BNC2: variants seen among roughly 807,000 people sequenced by gnomAD.
BNC2 encodes basonuclin zinc finger protein 2, also known as zinc finger protein basonuclin-2.
In BNC2, 20 loss-of-function variants were observed where a neutral mutation model predicts 76.3. The ratio of observed to expected loss-of-function variants is 0.26; its 90% CI spans 0.18 to 0.38. The LOEUF is 0.38. Among genes scored for constraint, BNC2 ranks in the 10% least tolerant of loss-of-function variants. The pLI, the probability that BNC2 is intolerant of heterozygous loss-of-function variation, is 1.00. For synonymous variants in BNC2, 582 were observed against 514.8 expected (o/e 1.13, Z -1.77); for missense variants, 1,382 against 1,399.8 (o/e 0.99, Z 0.20).
intron 1 of BNC2, among the ~76,000 whole-genome samples, chr9:16,798,541 A>C (rs1030510478): frequency 6.6e-6 from 1 of 152,196 alleles, no homozygotes; most frequent in African/African-American, 2.4e-5. Context: ...TCTTGACTCC[A>C]AACACTAGAC....
At chr9:16,852,882 T>C (rs1201022658) in intron 1 of BNC2, among the ~76,000 whole-genome samples, 8 of 152,128 alleles carry the variant, frequency 5.3e-5, no homozygotes. Context: ...TTCTATGGCC[T>C]GTGGAAAATC....
chr9:16,651,001 G>C (rs557995100), intron 3 of BNC2, among the ~76,000 whole-genome samples: 1 of 151,818 alleles, frequency 6.6e-6, no homozygotes, highest in Non-Finnish European at 1.5e-5. Flanking sequence ...TATATGCCTC[G>C]GTTTCCTCAC....
chr9:16,642,907 G>C (rs1821526993), intron 3 of BNC2, among the ~76,000 whole-genome samples: 1 of 152,096 alleles, frequency 6.6e-6, no homozygotes, highest in African/African-American at 2.4e-5. Flanking sequence ...ACTTACTCTT[G>C]CTCTAAAAAT....
At chr9:16,470,426 C>G (rs1821797752) in intron 5 of BNC2, among the ~76,000 whole-genome samples, 2 of 152,200 alleles carry the variant, frequency 1.3e-5, no homozygotes. Flanking sequence ...GCATAAGCAG[C>G]AAGGAGCCTA....
chr9:16,448,434 G>A (rs1038785608), intron 5 of BNC2, among the ~76,000 whole-genome samples: 6 of 152,042 alleles, frequency 3.9e-5, no homozygotes, highest in African/African-American at 1.4e-4. Context: ...GGTTCCATAA[G>A]GTTCCATCTG....
chr9:16,461,925 G>C (rs1821591759), intron 5 of BNC2, among the ~76,000 whole-genome samples: 1 of 152,200 alleles, frequency 6.6e-6, no homozygotes, highest in South Asian at 2.1e-4. Flanking sequence ...TCTTTAGTAT[G>C]AAAGTAAACA....
chr9:16,531,354 G>A lies in BNC2; in HGVS notation c.669+21176C>T, dbSNP rs529219128. On this transcript the variant is annotated intron_variant, in intron 5 of 6. Coordinates refer to ENST00000380672, the MANE Select transcript of BNC2 (RefSeq NM_017637.6). ...AAAAACAAGAAAGCGGCGACAAGAT[G>A]CTACAGCAGATTTCTGTTTGAGACG... 2.1e-3 allele frequency among the ~76,000 whole-genome samples: 325 copies of A among 151,554 alleles called. 1 individual carries two copies. Among genetic ancestry groups the A allele is most frequent in the Non-Finnish European group, 1.5e-3 (100 of 67,908 alleles).
intron 1 of BNC2, among the ~76,000 whole-genome samples, chr9:16,742,919 T>C (rs1392607803): frequency 6.6e-6 from 1 of 152,146 alleles, no homozygotes; most frequent in Non-Finnish European, 1.5e-5. Flanking sequence ...GAGAAAACTG[T>C]CTCACTAACT....
At chr9:16,756,926 G>A (rs542063261) in intron 1 of BNC2, among the ~76,000 whole-genome samples, 1 of 151,544 alleles carries the variant, frequency 6.6e-6, no homozygotes, top group South Asian at 2.1e-4. Flanking sequence ...GGGAGGTGGA[G>A]CTTGCAGTGA....
chr9:16,478,241 G>T (rs141612895), intron 5 of BNC2, among the ~76,000 whole-genome samples: 1 of 152,220 alleles, frequency 6.6e-6, no homozygotes, highest in Non-Finnish European at 1.5e-5. Context: ...CTCCATTCTG[G>T]CAGGCTTTTC....
intron 1 of BNC2, among the ~76,000 whole-genome samples, chr9:16,762,403 G>A (rs1419789044): frequency 2.0e-5 from 3 of 152,006 alleles, no homozygotes; most frequent in African/African-American, 7.2e-5. Context: ...ACAGTATTTC[G>A]AAAAAACAAA....
At chr9:16,424,912 G>T (rs1820775859) in intron 6 of BNC2, among the ~76,000 whole-genome samples, 1 of 152,080 alleles carries the variant, frequency 6.6e-6, no homozygotes. Context: ...TTATGGCTCT[G>T]TGCACAAAAT....
At chr9:16,705,643 T>C (rs148388310) in intron 3 of BNC2, among the ~76,000 whole-genome samples, 58 of 141,176 alleles carry the variant, frequency 4.1e-4, no homozygotes, top group Non-Finnish European at 4.5e-4. Context: ...AGTTGTATGA[T>C]AGTGTGGCTT....
chr9:16,826,286 T>C (rs1378399050), intron 1 of BNC2, among the ~76,000 whole-genome samples: 3 of 142,424 alleles, frequency 2.1e-5, no homozygotes, highest in Non-Finnish European at 4.5e-5. Context: ...GGACCTGCCT[T>C]TTAGAACCAC....
intron 3 of BNC2, among the ~76,000 whole-genome samples, chr9:16,692,195 T>C (rs73417989): frequency 0.03 from 4,562 of 152,264 alleles, 227 homozygotes; most frequent in African/African-American, 0.1. Flanking sequence ...ATTTTGGAAA[T>C]TGAACACCAC....
At position 16,414,750 on chromosome 9, in the gene BNC2, TCTTTATG is replaced by T. The variant is rs1587001572; in HGVS notation, c.*4232_*4238del. On this transcript the variant is annotated 3_prime_UTR_variant, in exon 7 of 7. Coordinates refer to ENST00000380672, the MANE Select transcript of BNC2 (RefSeq NM_017637.6). ...GTCCATCTCAATCTGGTGACTAGCT[TCTTTATG>T]CTTTAATTGTCAACGGCCCTCATTC... is the stretch of plus-strand genomic sequence containing the variant. The T allele has an allele frequency of 1.3e-5, 2 of 152,194 alleles. No homozygotes were observed. The highest frequency in any genetic ancestry group is 4.8e-5 in the African/African-American group (2 of 41,438). The allele number at this position is 152,194 out of a possible 1,614,324, so 9.4% of individuals were successfully genotyped here.
intron 5 of BNC2, among the ~76,000 whole-genome samples, chr9:16,543,575 T>G (rs1042396669): frequency 6.6e-6 from 1 of 152,182 alleles, no homozygotes. Context: ...AGTCACTGCA[T>G]TCCATCCTGG....
rs1418061671 is a variant in BNC2 at position 16,420,773 on chromosome 9, G to C, written c.2640-1124C>G. On this transcript the variant is annotated intron_variant, in intron 6 of 6. Transcript: ENST00000380672. ...AGGGACATCATGATTTACAAAGCCT[G>C]ATATGTTATCATCTATCTGGAAACA... Among the ~76,000 whole-genome samples, 2 of 151,994 alleles carry C rather than the reference G, an allele frequency of 1.3e-5. 1 individual carries two copies. The highest frequency in any genetic ancestry group is 1.3e-4 in the Admixed American group (2 of 15,266).
intron 1 of BNC2, among the ~76,000 whole-genome samples, chr9:16,844,266 G>T (rs1818908546): frequency 6.6e-6 from 1 of 151,966 alleles, no homozygotes; most frequent in South Asian, 2.1e-4. Flanking sequence ...GTATATCTGG[G>T]TTTGAGTTGG....
Sources: gnomAD v4.1 joint callset for allele counts (sites outside exome capture counted in the v4.1 genomes callset) on GRCh38, gnomAD v4.1.1 for gene constraint, MANE v1.5 for transcripts, NCBI Gene and HGNC (gene_info 2026-07-23, HGNC 2026-07-21) for gene names.